Variants in CCDC126 observed in about 807,000 individuals in gnomAD.
The protein encoded by CCDC126 is coiled-coil domain containing 126.
Under a neutral mutation model 11.7 loss-of-function variants are expected in CCDC126, and 5 were observed. The ratio of observed to expected loss-of-function variants is 0.43; its 90% CI spans 0.22 to 0.90. The LOEUF is 0.90. Among genes scored for constraint, CCDC126 ranks in the 40% least tolerant of loss-of-function variants. The pLI is 0.27. For missense variants in CCDC126, 150 were observed against 163.1 expected (o/e 0.92, Z 0.44); for synonymous variants, 60 against 61.9 (o/e 0.97, Z 0.14).
chr7:23,608,434 A>G (rs1782655217), intron 2 of CCDC126, among the ~76,000 whole-genome samples: 1 of 152,214 alleles, frequency 6.6e-6, no homozygotes, highest in Admixed American at 6.5e-5. Flanking sequence ...GCCCAACACA[A>G]ATTCATAAAC....
intron 2 of CCDC126, among the ~76,000 whole-genome samples, chr7:23,603,297 A>G (rs762916245): frequency 5.3e-5 from 8 of 152,230 alleles, no homozygotes; most frequent in Non-Finnish European, 1.2e-4. Context: ...AATACAGTTT[A>G]CTTGAAACTT....
intron 3 of CCDC126, among the ~76,000 whole-genome samples, chr7:23,613,060 C>G (rs185842021): frequency 4.6e-5 from 7 of 152,118 alleles, no homozygotes; most frequent in Non-Finnish European, 5.9e-5. Flanking sequence ...TCTGTAACCC[C>G]AGCATTTTGG....
intron 3 of CCDC126, among the ~76,000 whole-genome samples, chr7:23,621,793 C>G (rs1000910929): frequency 3.9e-5 from 6 of 152,006 alleles, no homozygotes; most frequent in Non-Finnish European, 7.4e-5. Context: ...AGCATGAAGG[C>G]CTGTTGAATT....
At chr7:23,621,278 T>C (rs1440161022) in intron 3 of CCDC126, among the ~76,000 whole-genome samples, 2 of 152,214 alleles carry the variant, frequency 1.3e-5, no homozygotes, top group East Asian at 1.9e-4. Context: ...GTAGTTCTCC[T>C]TGAAGAGGTC....
chr7:23,633,952 T>C (rs1783159189), intron 3 of CCDC126, among the ~76,000 whole-genome samples: 2 of 152,228 alleles, frequency 1.3e-5, no homozygotes, highest in East Asian at 3.8e-4. Context: ...TTGATTTGAA[T>C]TTGAAAAATA....
intron 3 of CCDC126, among the ~76,000 whole-genome samples, chr7:23,634,747 T>A (rs1467368161): frequency 6.6e-6 from 1 of 152,144 alleles, no homozygotes; most frequent in East Asian, 1.9e-4. Flanking sequence ...CTCCGTCTCT[T>A]CTTCAGGTGG....
chr7:23,635,885 C>G (rs1783199847), intron 3 of CCDC126, among the ~76,000 whole-genome samples: 1 of 152,072 alleles, frequency 6.6e-6, no homozygotes, highest in South Asian at 2.1e-4. Context: ...CTCCCTCTCC[C>G]TCTCCCTCTC....
chr7:23,640,991 G>GATTTT (rs754297249), intron 3 of CCDC126, among the ~76,000 whole-genome samples: 2 of 111,000 alleles, frequency 1.8e-5, no homozygotes, highest in African/African-American at 3.8e-5. Flanking sequence ...GAATCCTTTT[G>GATTTT]GTTTTTTTTT....
At chr7:23,603,684 G>T (rs1782577196) in intron 2 of CCDC126, among the ~76,000 whole-genome samples, 1 of 152,152 alleles carries the variant, frequency 6.6e-6, no homozygotes. Flanking sequence ...ATAATTGAAG[G>T]TACTTTACCC....
intron 3 of CCDC126, among the ~76,000 whole-genome samples, chr7:23,613,696 T>A (rs994836337): frequency 6.6e-6 from 1 of 152,242 alleles, no homozygotes; most frequent in Non-Finnish European, 1.5e-5. Flanking sequence ...TATACTATTA[T>A]GACCATGTTG....
chr7:23,610,207 T>C (rs1271416773), intron 2 of CCDC126, among the ~76,000 whole-genome samples: 1 of 152,142 alleles, frequency 6.6e-6, no homozygotes, highest in African/African-American at 2.4e-5. Context: ...CCAACCTGTT[T>C]GTTTGTTTAT....
intron 2 of CCDC126, among the ~76,000 whole-genome samples, chr7:23,605,089 C>T (rs1465406811): frequency 6.6e-6 from 1 of 151,486 alleles, no homozygotes; most frequent in Non-Finnish European, 1.5e-5. Context: ...CATTTTGAAG[C>T]GATGACATTT....
intron 2 of CCDC126, among the ~76,000 whole-genome samples, chr7:23,599,488 G>A (rs1463529108): frequency 6.6e-6 from 1 of 151,646 alleles, no homozygotes; most frequent in Non-Finnish European, 1.5e-5. Flanking sequence ...CTATGTATAT[G>A]TATATATATA....
intron 3 of CCDC126, among the ~76,000 whole-genome samples, chr7:23,623,888 G>T (rs1584207548): frequency 6.6e-6 from 1 of 151,980 alleles, no homozygotes; most frequent in Admixed American, 6.6e-5. Context: ...AATTTTTGTT[G>T]TATCTTTTTA....
In CCDC126 at chr7:23,629,275, A is replaced by G. The variant is rs1296517525; in HGVS notation, c.239-13656A>G. Among the ~76,000 whole-genome samples the G allele has an allele frequency of 2.0e-5, 3 of 152,220 alleles. No individual in the cohort carries two copies. The East Asian group carries it at 5.8e-4, about 29-fold the overall frequency. On this transcript the variant is annotated intron_variant, in intron 3 of 3. Transcript: ENST00000307471. ...TGAATGGGATTAATGCCCTTTATAA[A>G]CAGAGGCTTCAGAGAGCTACCTTGT...
At chr7:23,602,485 C>A (rs1019276323) in intron 2 of CCDC126, among the ~76,000 whole-genome samples, 1 of 152,140 alleles carries the variant, frequency 6.6e-6, no homozygotes, top group South Asian at 2.1e-4. Context: ...TTTCTTAAGA[C>A]AGGGGAACAC....
intron 3 of CCDC126, among the ~76,000 whole-genome samples, chr7:23,626,767 C>T (rs1429085775): frequency 6.6e-6 from 1 of 152,108 alleles, no homozygotes; most frequent in Non-Finnish European, 1.5e-5. Flanking sequence ...ATTTGGTTTT[C>T]TGTTTCTGCA....
At chr7:23,605,659 G>A (rs535895798) in intron 2 of CCDC126, among the ~76,000 whole-genome samples, 1 of 152,050 alleles carries the variant, frequency 6.6e-6, no homozygotes, top group South Asian at 2.1e-4. Context: ...CTTCCTTAGG[G>A]CTGAATAATA....
intron 2 of CCDC126, among the ~76,000 whole-genome samples, chr7:23,608,142 AG>A (rs1782651717): frequency 6.6e-6 from 1 of 152,220 alleles, no homozygotes; most frequent in South Asian, 2.1e-4. Flanking sequence ...GCATGATTCC[AG>A]GGTGGAGTTT....
Sources: allele counts gnomAD v4.1 joint callset (sites outside exome capture counted in the v4.1 genomes callset), GRCh38; gene constraint gnomAD v4.1.1; transcripts MANE v1.5; gene names NCBI Gene and HGNC (gene_info 2026-07-23, HGNC 2026-07-21).